Variants in PLCH2 observed in about 807,000 individuals in gnomAD.
The protein encoded by PLCH2 is 1-phosphatidylinositol 4,5-bisphosphate phosphodiesterase eta-2.
In PLCH2, 98 loss-of-function variants were observed where a neutral mutation model predicts 134.7. The ratio of observed to expected loss-of-function variants is 0.73; its 90% CI spans 0.62 to 0.86. The LOEUF (loss-of-function observed/expected upper bound fraction) is 0.86. Ranked by LOEUF, PLCH2 falls within the 40% of genes least tolerant of loss-of-function variation. The pLI is 0.00. For synonymous variants in PLCH2, 974 were observed against 827.5 expected (o/e 1.18, Z -3.04); for missense variants, 1,994 against 1,986.6 (o/e 1.00, Z -0.07).
At chr1:2,443,738 T>C (rs1394098064) in intron 2 of PLCH2, among the ~76,000 whole-genome samples, 2 of 145,346 alleles carry the variant, frequency 1.4e-5, no homozygotes, top group African/African-American at 5.0e-5. Flanking sequence ...GCGGCACGAG[T>C]GACAGCGCGC....
the PLCH2 span, among the ~76,000 whole-genome samples, chr1:2,416,534 C>T: frequency 2.0e-5 from 3 of 152,084 alleles, no homozygotes; most frequent in African/African-American, 7.2e-5. Flanking sequence ...CTGGAGGTAC[C>T]TGCAGAGTGT....
upstream of PLCH2, among the ~76,000 whole-genome samples, chr1:2,422,183 C>T (rs1405039439): frequency 2.0e-5 from 3 of 152,156 alleles, no homozygotes; most frequent in South Asian, 2.1e-4. Flanking sequence ...GCAGGAGAAT[C>T]GCTTGAACCC....
chr1:2,418,302 A>T, the PLCH2 span, among the ~76,000 whole-genome samples: 2 of 152,342 alleles, frequency 1.3e-5, no homozygotes, highest in African/African-American at 4.8e-5. Flanking sequence ...GGGCGCCTTC[A>T]GTTAGACCGA....
chr1:2,434,668 C>A (rs1639239322), intron 2 of PLCH2, among the ~76,000 whole-genome samples: 1 of 152,218 alleles, frequency 6.6e-6, no homozygotes, highest in South Asian at 2.1e-4. Context: ...AACCCCCTTC[C>A]CCCCACAGCC....
At chr1:2,428,777 G>C (rs2100476144) in intron 1 of PLCH2, among the ~76,000 whole-genome samples, 1 of 152,378 alleles carries the variant, frequency 6.6e-6, no homozygotes, top group African/African-American at 2.4e-5. Flanking sequence ...GAGGGGCTGA[G>C]TGCTCATTCC....
intron 1 of PLCH2, among the ~76,000 whole-genome samples, chr1:2,428,481 G>A (rs1170006527): frequency 6.6e-6 from 1 of 152,258 alleles, no homozygotes; most frequent in African/African-American, 2.4e-5. Context: ...TCCTGCATGG[G>A]GTCCTGCGTC....
At position 2,504,320 on chromosome 1, in the gene PLCH2, G is replaced by A. The variant is rs112164726; in HGVS notation, c.3358G>A (p.Val1120Met). ...PLAAPFPAPA[V>M]YSDATGSDPL... is the part of the protein sequence containing the mutation. ...GGCCGCTCCCTTTCCAGCTCCTGCC[G>A]TGTACTCCGATGCCACGGGCAGTGA... Residue 1120 changes from valine (V) to methionine (M), a missense_variant, in exon 22 of 22, where the codon GTG becomes ATG. Physicochemically the swap from Val to Met is conservative, Grantham distance 21 (BLOSUM62 1). Around this residue, in one of 2 missense-constraint regions of PLCH2, gnomAD observed 900 missense variants for 752.3 expected, o/e 1.20. Coordinates refer to ENST00000378486, the MANE Select transcript of PLCH2 (RefSeq NM_014638.4). 1.3e-3 allele frequency: 2,078 copies of A among 1,608,634 alleles called. 28 individuals carry two copies. The African/African-American group carries it at 0.024, about 18-fold the overall frequency.
At position 2,498,863 on chromosome 1, in the gene PLCH2, TG is replaced by T. The variant is rs1643048246; in HGVS notation, c.2434+37del. On this transcript the variant is annotated intron_variant, in intron 18 of 21. Coordinates refer to ENST00000378486, the MANE Select transcript of PLCH2 (RefSeq NM_014638.4). The surrounding 1 kb of genome is among the most constrained non-coding windows in gnomAD (Gnocchi z 5.4). Reference sequence around the variant, plus strand: ...GGCCGTGGCTCCGTCACACCTGTGATGGAAGTCTGAGGGGGGAGGGTTGGGG... The same window carrying T: ...GGCCGTGGCTCCGTCACACCTGTGATGAAGTCTGAGGGGGGAGGGTTGGGG... 6.6e-7 allele frequency: 1 copy of T among 1,525,338 alleles called. No individual in the cohort carries two copies. The highest frequency in any genetic ancestry group is 9.0e-7 in the Non-Finnish European group (1 of 1,107,758). 94.5% of individuals were successfully genotyped at this position (1,525,338 alleles called of 1,614,324 possible).
At chr1:2,422,910 A>G (rs536028482), upstream of PLCH2, among the ~76,000 whole-genome samples, 1 of 152,228 alleles carries the variant, frequency 6.6e-6, no homozygotes, top group Non-Finnish European at 1.5e-5. Flanking sequence ...GGTATTAATA[A>G]TTTGAAAAAT....
At chr1:2,460,412 G>C (rs1371796035) in intron 2 of PLCH2, among the ~76,000 whole-genome samples, 1 of 152,218 alleles carries the variant, frequency 6.6e-6, no homozygotes, top group African/African-American at 2.4e-5. Flanking sequence ...TGATGGCTAG[G>C]GGTATGGAAC....
chr1:2,445,288 G>A (rs1294505551), intron 2 of PLCH2, among the ~76,000 whole-genome samples: 1 of 152,148 alleles, frequency 6.6e-6, no homozygotes, highest in Non-Finnish European at 1.5e-5. Context: ...CCTCTGGGAG[G>A]TGAGAGAGCT....
At chr1:2,484,665 C>A (rs1642197236) in intron 5 of PLCH2, 47 bp downstream of exon 5, 2 of 1,590,632 alleles carry the variant, frequency 1.3e-6, no homozygotes, top group Non-Finnish European at 1.7e-6. Flanking sequence ...TCAGGCCTCG[C>A]CTTCTGTTCT....
chr1:2,424,831 A>C (rs184284163), upstream of PLCH2, among the ~76,000 whole-genome samples: 149 of 152,016 alleles, frequency 9.8e-4, 1 homozygote, highest in East Asian at 0.022. Context: ...ACTAAAAATA[A>C]AAAAATTAGC....
rs1642930719 is a variant in PLCH2, at chr1:2,497,010, G to A, written c.2116G>A (p.Val706Ile). 2 of 1,612,140 alleles carry A rather than the reference G, an allele frequency of 1.2e-6. No homozygotes were observed. Among genetic ancestry groups the A allele is most frequent in the Non-Finnish European group, 1.7e-6 (2 of 1,179,406 alleles). Residue 706 changes from valine to isoleucine, a missense_variant and splice_region_variant, in exon 15 of 22, where the codon GTT becomes ATT. Transcript: ENST00000378486. ...QPFWNAGCQM[V>I]ALNYQSEGRM... The stretch of plus-strand genomic sequence containing the variant: ...CTTCTGGAACGCCGGCTGCCAAATG[G>A]GTGGGTGCGGGCATGGTGCGCTGGG...
the PLCH2 span, among the ~76,000 whole-genome samples, chr1:2,419,115 C>T: frequency 1.3e-4 from 20 of 152,282 alleles, no homozygotes; most frequent in African/African-American, 4.6e-4. Flanking sequence ...ATCTGTCTGC[C>T]CAGCTCCTTG....
intron 1 of PLCH2, among the ~76,000 whole-genome samples, chr1:2,428,688 G>T (rs1352769931): frequency 6.6e-6 from 1 of 152,246 alleles, no homozygotes; most frequent in South Asian, 2.1e-4. Context: ...TCCCACTGCC[G>T]CAGGAACTGC....
intron 20 of PLCH2, 91 bp downstream of exon 20, chr1:2,499,811 C>A (rs1643117390): frequency 2.9e-6 from 3 of 1,037,380 alleles, no homozygotes; most frequent in African/African-American, 3.2e-5. Flanking sequence ...AGTGCTGGGT[C>A]CTGAACTCAG....
upstream of PLCH2, among the ~76,000 whole-genome samples, chr1:2,472,278 G>A (rs998637320): frequency 6.6e-6 from 1 of 152,172 alleles, no homozygotes; most frequent in Admixed American, 6.5e-5. Context: ...CCTCCCGTGC[G>A]GCGCCAGTCC....
Position 2,487,731 on chromosome 1 carries a change from G to A in PLCH2, c.1235+13G>A, listed in dbSNP as rs2100684211. 1 of 1,611,044 alleles carries A rather than the reference G, an allele frequency of 6.2e-7. No homozygotes were observed. The highest frequency in any genetic ancestry group is 8.5e-7 in the Non-Finnish European group (1 of 1,178,796). On this transcript the variant is annotated intron_variant, in intron 8 of 21. Transcript: ENST00000378486. Reference sequence around the variant, plus strand: ...TCATCAAGAATGAGTGAGTGGCTGGGCCTAGCGGGGCTGGCCCCAGAGGTG... The same window carrying A: ...TCATCAAGAATGAGTGAGTGGCTGGACCTAGCGGGGCTGGCCCCAGAGGTG...
Sources: gnomAD v4.1 joint callset for allele counts (sites outside exome capture counted in the v4.1 genomes callset) on GRCh38, gnomAD v4.1.1 for gene constraint, gnomAD v4.1.1 regional missense constraint, Gnocchi (gnomAD v3.1) non-coding constraint, MANE v1.5 for transcripts, NCBI Gene and HGNC (gene_info 2026-07-23, HGNC 2026-07-21) for gene names.